Variants in PPP1R12B observed in about 807,000 individuals in gnomAD.
PPP1R12B encodes the protein myosin phosphatase target subunit 2.
A neutral mutation model predicts 126.1 loss-of-function variants in PPP1R12B; 76 were observed. The ratio of observed to expected loss-of-function variants is 0.60; its 90% CI spans 0.50 to 0.73. The LOEUF (loss-of-function observed/expected upper bound fraction) is 0.73. Ranked by LOEUF, PPP1R12B falls within the 30% of genes least tolerant of loss-of-function variation. The probability of loss-of-function intolerance (pLI) is 0.00; values close to 1 mark genes in which losing one functional copy is unlikely to be tolerated. For synonymous variants in PPP1R12B, 356 were observed against 434.7 expected (o/e 0.82, Z 2.25); for missense variants, 1,052 against 1,205.1 (o/e 0.87, Z 1.88).
chr1:202,438,052 T>C, intron 10 of PPP1R12B, 28 bp downstream of exon 10: 4 of 1,604,938 alleles, frequency 2.5e-6, no homozygotes, highest in Non-Finnish European at 3.4e-6. Context: ...ATGGGGGAAT[T>C]CCAAGGCAGT....
chr1:202,573,108 G>T (rs1337531192), intron 23 of PPP1R12B, among the ~76,000 whole-genome samples: 1 of 152,186 alleles, frequency 6.6e-6, no homozygotes, highest in Non-Finnish European at 1.5e-5. Flanking sequence ...TTGGTCCAAT[G>T]TCAACACCAA....
chr1:202,456,757 A>G (rs1238994577), intron 13 of PPP1R12B, among the ~76,000 whole-genome samples: 1 of 152,220 alleles, frequency 6.6e-6, no homozygotes, highest in East Asian at 1.9e-4. Context: ...CCCAAAAGTC[A>G]AGGATTTAAT....
chr1:202,484,703 G>A (rs1300359203), intron 13 of PPP1R12B, among the ~76,000 whole-genome samples: 4 of 152,310 alleles, frequency 2.6e-5, no homozygotes, highest in Admixed American at 1.3e-4. Context: ...GCTTTTGCTT[G>A]TCTGGGAAGG....
intron 1 of PPP1R12B, among the ~76,000 whole-genome samples, chr1:202,360,044 G>A (rs1657884854): frequency 6.6e-6 from 1 of 151,952 alleles, no homozygotes; most frequent in African/African-American, 2.4e-5. Flanking sequence ...TTGAAAACCT[G>A]GGTTGTTTGT....
At chr1:202,399,603 TCTC>T (rs1453056937) in intron 1 of PPP1R12B, among the ~76,000 whole-genome samples, 3 of 151,616 alleles carry the variant, frequency 2.0e-5, no homozygotes, top group African/African-American at 7.3e-5. Context: ...TTCAAGCCAT[TCTC>T]CTGCCTCAGC....
At chr1:202,510,887 T>G (rs1013683164) in intron 18 of PPP1R12B, among the ~76,000 whole-genome samples, 1 of 147,010 alleles carries the variant, frequency 6.8e-6, no homozygotes, top group African/African-American at 2.5e-5. Context: ...ATATATTATA[T>G]ATTTATACTA....
chr1:202,449,913 C>G (rs1360135101), intron 13 of PPP1R12B, among the ~76,000 whole-genome samples: 4 of 152,018 alleles, frequency 2.6e-5, no homozygotes. Flanking sequence ...GTCTCGATGT[C>G]CTGACCTCGT....
intron 13 of PPP1R12B, among the ~76,000 whole-genome samples, chr1:202,454,095 T>C (rs1392882776): frequency 6.6e-6 from 1 of 152,216 alleles, no homozygotes; most frequent in Non-Finnish European, 1.5e-5. Flanking sequence ...ATTAAGAGCA[T>C]GATCCCAGAA....
At chr1:202,515,441 G>C (rs1682024234) in intron 18 of PPP1R12B, among the ~76,000 whole-genome samples, 1 of 152,206 alleles carries the variant, frequency 6.6e-6, no homozygotes, top group Non-Finnish European at 1.5e-5. Flanking sequence ...ATTTAGCCTG[G>C]CCTAGCTTTA....
chr1:202,425,688 C>T lies in PPP1R12B; in HGVS notation c.664C>T (p.His222Tyr). 6.2e-7 allele frequency: 1 copy of T among 1,613,920 alleles called. No homozygotes were observed. The highest frequency in any genetic ancestry group is 8.5e-7 in the Non-Finnish European group (1 of 1,179,850). The change falls in exon 4 of 24, where the codon CAT becomes TAT. Residue 222 changes from histidine to tyrosine, a missense_variant. His to Tyr is a moderately conservative substitution (Grantham distance 83). Coordinates refer to ENST00000608999, the MANE Select transcript of PPP1R12B (RefSeq NM_002481.4). ...GGCTCGCTCAGGGGCTACAGCCCTT[C>T]ATGTGGCTGCTGCCAAGGGCTACTC... ...RQARSGATAL[H>Y]VAAAKGYSEV... is the part of the protein sequence containing the mutation.
chr1:202,510,581 G>A (rs576076754), intron 18 of PPP1R12B, among the ~76,000 whole-genome samples: 1 of 152,180 alleles, frequency 6.6e-6, no homozygotes, highest in South Asian at 2.1e-4. Flanking sequence ...ACTCCTTTCT[G>A]TCCTCCCGAA....
chr1:202,429,054 G>A, intron 6 of PPP1R12B, 125 bp downstream of exon 6: 1 of 733,048 alleles, frequency 1.4e-6, no homozygotes, highest in Non-Finnish European at 2.1e-6. Context: ...TTCCAGAGAT[G>A]TTAATTGTTC....
intron 1 of PPP1R12B, among the ~76,000 whole-genome samples, chr1:202,368,129 C>T (rs1190517876): frequency 6.6e-6 from 1 of 151,962 alleles, no homozygotes. Flanking sequence ...GCCACCACAC[C>T]CGGCTAATTT....
Position 202,572,895 on chromosome 1 carries a change from C to T in PPP1R12B, c.2862+3698C>T, listed in dbSNP as rs1688740234. On this transcript the variant is annotated intron_variant, in intron 23 of 23. Transcript: ENST00000608999. ...TCCTTGCCTTGCCTTGTTTTCAATACTGCTTCCTATAGAACATTGACCAGA... is the reference window on the plus strand; with the variant it reads ...TCCTTGCCTTGCCTTGTTTTCAATATTGCTTCCTATAGAACATTGACCAGA... 2.6e-5 allele frequency among the ~76,000 whole-genome samples: 4 copies of T among 152,192 alleles called. No homozygotes were observed. The South Asian group carries it at 6.2e-4, about 24-fold the overall frequency.
chr1:202,527,832 G>A (rs962621380), intron 18 of PPP1R12B, among the ~76,000 whole-genome samples: 4 of 152,180 alleles, frequency 2.6e-5, no homozygotes, highest in African/African-American at 9.7e-5. Flanking sequence ...ATCTACACTA[G>A]ATTGTTTTGC....
intron 1 of PPP1R12B, among the ~76,000 whole-genome samples, chr1:202,376,601 CTT>C (rs751239350): frequency 2.8e-4 from 43 of 151,948 alleles, no homozygotes; most frequent in Non-Finnish European, 5.0e-4. Flanking sequence ...AAAATACAAT[CTT>C]ATATATAAAG....
chr1:202,556,757 C>T (rs1686993903), intron 18 of PPP1R12B, among the ~76,000 whole-genome samples: 2 of 152,200 alleles, frequency 1.3e-5, no homozygotes, highest in South Asian at 4.1e-4. Context: ...CTGCTTCTTC[C>T]TCAGTGCCTC....
rs188306013 is a variant in PPP1R12B at position 202,451,094 on chromosome 1, A to G, written c.1850+1923A>G. Among the ~76,000 whole-genome samples, 450 of 136,162 alleles carry G rather than the reference A, an allele frequency of 3.3e-3. 3 individuals are homozygous for G. The highest frequency in any genetic ancestry group is 0.011 in the African/African-American group (405 of 37,016). The allele number at this position is 136,162 out of a possible 152,430, so 89.3% of individuals were successfully genotyped here. A position where few individuals can be genotyped will look rare whatever the true frequency, so the allele number is the denominator to read the frequency against. On this transcript the variant is annotated intron_variant, in intron 13 of 23. Transcript: ENST00000608999. ...TTAGTTATTTGATTAATTCCTAGGT[A>G]TTTTATTTTATTTGTAACTACTGTA...
intron 22 of PPP1R12B, among the ~76,000 whole-genome samples, chr1:202,568,669 G>C (rs759557298): frequency 2.8e-4 from 43 of 152,256 alleles, no homozygotes; most frequent in Non-Finnish European, 4.9e-4. Context: ...AAGAAACTAG[G>C]GGGAGAGATG....
Sources: allele counts gnomAD v4.1 joint callset (sites outside exome capture counted in the v4.1 genomes callset), GRCh38; gene constraint gnomAD v4.1.1; transcripts MANE v1.5; gene names NCBI Gene and HGNC (gene_info 2026-07-23, HGNC 2026-07-21).